LNPK: variants seen among roughly 807,000 people sequenced by gnomAD.
The protein encoded by LNPK is endoplasmic reticulum junction formation protein lunapark.
Under a neutral mutation model 55.2 loss-of-function variants are expected in LNPK, and 29 were observed. That is an observed-to-expected ratio of 0.53 (90% CI 0.39 to 0.72). The LOEUF is 0.72. Among genes scored for constraint, LNPK ranks in the 30% least tolerant of loss-of-function variants. LNPK has a pLI of 0.00. For synonymous variants in LNPK, 162 were observed against 168.2 expected, an observed-to-expected ratio of 0.96 and a Z score of 0.29; for missense variants, 467 against 494.8, an observed-to-expected ratio of 0.94 and a Z score of 0.53.
chr2:175,939,933 T>G (rs775867958), intron 9 of LNPK, among the ~76,000 whole-genome samples: 1 of 152,120 alleles, frequency 6.6e-6, no homozygotes, highest in Non-Finnish European at 1.5e-5. Flanking sequence ...AAATTATGCT[T>G]AGTTCTGTAC....
At position 175,929,546 on chromosome 2, in the gene LNPK, A is replaced by C. The variant is rs1268195594; in HGVS notation, c.*421T>G. ...GGAGCTAAAATTCTATCAATTTTTAATAATGAAGTAGTCAAAATCTTAACC... is the reference window on the plus strand; with the variant it reads ...GGAGCTAAAATTCTATCAATTTTTACTAATGAAGTAGTCAAAATCTTAACC... On this transcript the variant is annotated 3_prime_UTR_variant, in exon 13 of 13. Transcript: ENST00000272748. The C allele has an allele frequency of 1.0e-6, 1 of 992,448 alleles. No homozygotes were observed. The highest frequency in any genetic ancestry group is 1.2e-6 in the Non-Finnish European group (1 of 833,878). The allele number at this position is 992,448 out of a possible 1,614,324, so 61.5% of individuals were successfully genotyped here. A position where few individuals can be genotyped will look rare whatever the true frequency, so the allele number is the denominator to read the frequency against.
intron 9 of LNPK, among the ~76,000 whole-genome samples, chr2:175,942,950 T>C (rs1243080898): frequency 6.6e-6 from 1 of 150,562 alleles, no homozygotes; most frequent in Non-Finnish European, 1.5e-5. Flanking sequence ...AGATACAAAC[T>C]ATTAATATCA....
chr2:175,925,669 CT>C lies in LNPK; in HGVS notation c.*4297del, dbSNP rs1172431379. ...CGTGGCAGATTCATTTTCTTTCTTTCTTTTTTTTTTTTGAGATGGAGTTTCA... is the reference window on the plus strand; with the variant it reads ...CGTGGCAGATTCATTTTCTTTCTTTCTTTTTTTTTTTGAGATGGAGTTTCA... On this transcript the variant is annotated 3_prime_UTR_variant, in exon 13 of 13. Coordinates refer to ENST00000272748, the MANE Select transcript of LNPK (RefSeq NM_030650.3). 59 of 148,324 alleles carry C rather than the reference CT, an allele frequency of 4.0e-4. No homozygotes were observed. The highest frequency in any genetic ancestry group is 9.8e-4 in the East Asian group (5 of 5,104). The allele number at this position is 148,324 out of a possible 1,614,324, so 9.2% of individuals were successfully genotyped here.
At chr2:175,985,161 G>A (rs1687346858) in intron 4 of LNPK, among the ~76,000 whole-genome samples, 1 of 152,200 alleles carries the variant, frequency 6.6e-6, no homozygotes, top group East Asian at 1.9e-4. Flanking sequence ...TGTGGAGACA[G>A]AAAACAGATT....
intron 12 of LNPK, among the ~76,000 whole-genome samples, chr2:175,931,143 C>A (rs1047976320): frequency 1.2e-4 from 19 of 152,016 alleles, no homozygotes; most frequent in Admixed American, 9.2e-4. Context: ...TAAAAAACAG[C>A]AATTAGTATT....
chr2:175,942,758 C>T (rs1042183013), intron 9 of LNPK, among the ~76,000 whole-genome samples: 4 of 151,360 alleles, frequency 2.6e-5, no homozygotes, highest in African/African-American at 9.7e-5. Flanking sequence ...TCAGCTTCCA[C>T]ATTAAGAAAC....
chr2:175,926,147 A>G lies in LNPK; in HGVS notation c.*3820T>C, dbSNP rs1683998636. The G allele has an allele frequency of 6.6e-6, 1 of 152,232 alleles. No homozygotes were observed. Among genetic ancestry groups the G allele is most frequent in the Admixed American group, 6.5e-5 (1 of 15,276 alleles). 9.4% of individuals were successfully genotyped at this position (152,232 alleles called of 1,614,324 possible). A position where few individuals can be genotyped will look rare whatever the true frequency, so the allele number is the denominator to read the frequency against. The stretch of plus-strand genomic sequence containing the variant: ...AAATCCTCTGAAGTCATTTGCCTAT[A>G]TTCAAATCCCTCTTTTTCCACTTAC... On this transcript the variant is annotated 3_prime_UTR_variant, in exon 13 of 13. Coordinates refer to ENST00000272748, the MANE Select transcript of LNPK (RefSeq NM_030650.3).
Position 175,928,274 on chromosome 2 carries a change from G to A in LNPK, c.*1693C>T, listed in dbSNP as rs1473720816. Reference sequence around the variant, plus strand: ...TTGCATATTTTAAAGACATTAATAAGAACAAATGCCATCGTTTTCAGGTAG... The same window carrying A: ...TTGCATATTTTAAAGACATTAATAAAAACAAATGCCATCGTTTTCAGGTAG... On this transcript the variant is annotated 3_prime_UTR_variant, in exon 13 of 13. Transcript: ENST00000272748. 2 of 152,038 alleles carry A rather than the reference G, an allele frequency of 1.3e-5. No individual in the cohort carries two copies. The highest frequency in any genetic ancestry group is 4.8e-5 in the African/African-American group (2 of 41,410). The allele number at this position is 152,038 out of a possible 1,614,324, so 9.4% of individuals were successfully genotyped here. A position where few individuals can be genotyped will look rare whatever the true frequency, so the allele number is the denominator to read the frequency against.
intron 4 of LNPK, among the ~76,000 whole-genome samples, chr2:175,986,007 A>G (rs1401806270): frequency 6.6e-6 from 1 of 152,184 alleles, no homozygotes; most frequent in Non-Finnish European, 1.5e-5. Flanking sequence ...AATTTTTTCA[A>G]AATTAAAAAT....
chr2:175,963,641 C>CAT (rs1353022385), intron 8 of LNPK, among the ~76,000 whole-genome samples: 1 of 151,828 alleles, frequency 6.6e-6, no homozygotes, highest in Non-Finnish European at 1.5e-5. Flanking sequence ...CAACATGGCA[C>CAT]ATATATACAT....
intron 5 of LNPK, 73 bp downstream of exon 5, chr2:175,979,737 C>T: frequency 8.0e-7 from 1 of 1,246,272 alleles, no homozygotes; most frequent in Non-Finnish European, 1.1e-6. Context: ...TCATATTTTA[C>T]AACCTGTCTT....
At chr2:175,984,656 A>G (rs377333155) in intron 4 of LNPK, among the ~76,000 whole-genome samples, 2 of 152,186 alleles carry the variant, frequency 1.3e-5, no homozygotes, top group East Asian at 1.9e-4. Context: ...TAAAACCACA[A>G]TGAGATATTG....
intron 2 of LNPK, 29 bp from the exon 3 acceptor site, chr2:175,993,252 C>G: frequency 7.1e-7 from 1 of 1,418,158 alleles, no homozygotes; most frequent in Non-Finnish European, 9.6e-7. Context: ...CAAGAGACAG[C>G]ATTAAAACTT....
chr2:175,952,986 A>G (rs554029252), intron 8 of LNPK, among the ~76,000 whole-genome samples: 1 of 152,264 alleles, frequency 6.6e-6, no homozygotes, highest in East Asian at 1.9e-4. Flanking sequence ...AAAAGAAGAA[A>G]CCAAAGTTCA....
chr2:175,964,420 A>G lies in LNPK; in HGVS notation c.445T>C (p.Cys149Arg). The change falls in exon 8 of 13, where the codon TGT becomes CGT. Residue 149 changes from cysteine (C) to arginine (R), a missense_variant. Transcript: ENST00000272748. ...FDPDSKKAKECEPPSAGAAVT... is the reference protein window; with the variant it reads ...FDPDSKKAKEREPPSAGAAVT... The stretch of plus-strand genomic sequence containing the variant: ...GCTGCTCCAGCAGATGGCGGCTCAC[A>G]CTCCTGTCAATTATAATAATGTTAT... 1 of 1,612,852 alleles carries G rather than the reference A, an allele frequency of 6.2e-7. No individual in the cohort carries two copies. Among genetic ancestry groups the G allele is most frequent in the South Asian group, 1.1e-5 (1 of 91,048 alleles).
intron 4 of LNPK, among the ~76,000 whole-genome samples, chr2:175,981,487 T>G (rs1210255376): frequency 6.6e-6 from 1 of 152,178 alleles, no homozygotes; most frequent in Non-Finnish European, 1.5e-5. Flanking sequence ...GAATTCAGAA[T>G]GCATTTTGGT....
intron 4 of LNPK, among the ~76,000 whole-genome samples, chr2:175,991,562 C>T (rs1282131630): frequency 6.6e-6 from 1 of 152,136 alleles, no homozygotes; most frequent in African/African-American, 2.4e-5. Context: ...TAGCATTTTA[C>T]ACTTCTGTTT....
At chr2:175,972,464 G>T (rs190162813) in intron 5 of LNPK, among the ~76,000 whole-genome samples, 1 of 152,148 alleles carries the variant, frequency 6.6e-6, no homozygotes, top group East Asian at 1.9e-4. Context: ...TTGGATTTAG[G>T]GGGATTTCAG....
intron 8 of LNPK, among the ~76,000 whole-genome samples, chr2:175,960,729 T>C (rs1014823289): frequency 2.0e-5 from 3 of 151,636 alleles, no homozygotes; most frequent in Non-Finnish European, 2.9e-5. Flanking sequence ...CTGAAGGAGA[T>C]AGAGACACAA....
Sources: allele counts gnomAD v4.1 joint callset (sites outside exome capture counted in the v4.1 genomes callset), GRCh38; gene constraint gnomAD v4.1.1; transcripts MANE v1.5; gene names NCBI Gene and HGNC (gene_info 2026-07-23, HGNC 2026-07-21).